The following TES variants were observed in gnomAD, a reference collection of about 807,000 sequenced individuals.
TES encodes testin LIM domain protein, also known as testin.
TES carries 41 observed loss-of-function variants against 48.2 expected under a neutral mutation model. The observed-to-expected ratio is 0.85, with a 90% CI of 0.66 to 1.10. The LOEUF is 1.10. Ranked by LOEUF, TES falls within the 50% of genes least tolerant of loss-of-function variation. The pLI is 0.00. For missense variants in TES, 463 were observed against 515.1 expected (o/e 0.90, Z 0.98); for synonymous variants, 162 against 174.9 (o/e 0.93, Z 0.58).
intron 1 of TES, among the ~76,000 whole-genome samples, chr7:116,212,027 T>C (rs1052395449): frequency 2.0e-5 from 3 of 152,178 alleles, no homozygotes; most frequent in African/African-American, 7.2e-5. Context: ...TTTTTTTCTT[T>C]TAAATAACTG....
At chr7:116,248,476 C>T (rs1244703809) in intron 2 of TES, among the ~76,000 whole-genome samples, 1 of 152,138 alleles carries the variant, frequency 6.6e-6, no homozygotes, top group Non-Finnish European at 1.5e-5. Flanking sequence ...TTAGTAATAG[C>T]TATTCCGACT....
chr7:116,218,401 A>G (rs868570847), intron 1 of TES, among the ~76,000 whole-genome samples: 1 of 152,266 alleles, frequency 6.6e-6, no homozygotes, highest in African/African-American at 2.4e-5. Context: ...GTTTGATGAT[A>G]AAGTGATATC....
chr7:116,257,686 T>G lies in TES; in HGVS notation c.*204T>G, dbSNP rs1800122894. 13 of 449,348 alleles carry G rather than the reference T, an allele frequency of 2.9e-5. No homozygotes were observed. The South Asian group carries it at 5.3e-4, about 18-fold the overall frequency. 27.8% of individuals were successfully genotyped at this position (449,348 alleles called of 1,614,324 possible). ...AAACTTGGTTTAAGCATTTGATTTGTAAAACAGTAAATAATTGTATCTTTC... is the reference window on the plus strand; with the variant it reads ...AAACTTGGTTTAAGCATTTGATTTGGAAAACAGTAAATAATTGTATCTTTC... On this transcript the variant is annotated 3_prime_UTR_variant, in exon 7 of 7. Coordinates refer to ENST00000358204, the MANE Select transcript of TES (RefSeq NM_015641.4).
At chr7:116,251,605 C>G in intron 4 of TES, 155 bp from the exon 5 acceptor site, 2 of 699,636 alleles carry the variant, frequency 2.9e-6, no homozygotes, top group East Asian at 5.2e-5. Context: ...ACGGCGTGAA[C>G]CCAGGAGGCG....
At chr7:116,253,853 TGGGTGTGTGG>T (rs1215147017) in intron 6 of TES, among the ~76,000 whole-genome samples, 1 of 151,806 alleles carries the variant, frequency 6.6e-6, no homozygotes, top group Admixed American at 6.6e-5. Context: ...TGTGTGTGGG[TGGGTGTGTGG>T]GGGTGTGTGT....
intron 1 of TES, among the ~76,000 whole-genome samples, chr7:116,222,594 C>G (rs1321401502): frequency 2.6e-5 from 4 of 152,130 alleles, no homozygotes; most frequent in Admixed American, 6.6e-5. Context: ...CTTTAGGCAT[C>G]GCAAGAATGA....
At chr7:116,248,908 T>C in intron 2 of TES, 112 bp from the exon 3 acceptor site, 1 of 1,132,380 alleles carries the variant, frequency 8.8e-7, no homozygotes, top group Non-Finnish European at 1.2e-6. Context: ...GACTTGCCTT[T>C]GCATACCATG....
At chr7:116,236,433 A>C (rs1041564665) in intron 2 of TES, among the ~76,000 whole-genome samples, 8 of 152,176 alleles carry the variant, frequency 5.3e-5, no homozygotes, top group African/African-American at 1.9e-4. Flanking sequence ...CCATCAGCTT[A>C]TGTACATAAG....
intron 2 of TES, among the ~76,000 whole-genome samples, chr7:116,242,526 TCTC>T (rs1799862910): frequency 2.1e-5 from 2 of 93,300 alleles, no homozygotes; most frequent in African/African-American, 4.9e-5. Flanking sequence ...TCTCTCTCTC[TCTC>T]TCTCTCTCTG....
intron 1 of TES, among the ~76,000 whole-genome samples, chr7:116,230,537 G>A (rs1265254481): frequency 1.3e-5 from 2 of 152,170 alleles, no homozygotes; most frequent in Admixed American, 6.5e-5. Context: ...CTGAGCTTCT[G>A]CTAGCAGAGC....
At chr7:116,227,458 GA>G (rs1295209865) in intron 1 of TES, among the ~76,000 whole-genome samples, 2 of 152,064 alleles carry the variant, frequency 1.3e-5, no homozygotes, top group African/African-American at 2.4e-5. Flanking sequence ...TCTTGTTAGA[GA>G]TTTGGAAACA....
At chr7:116,233,692 A>G (rs1037627768) in intron 1 of TES, among the ~76,000 whole-genome samples, 7 of 152,244 alleles carry the variant, frequency 4.6e-5, no homozygotes, top group Admixed American at 3.3e-4. Context: ...TCCTGCTGCC[A>G]TAACAAAATA....
chr7:116,255,125 C>T (rs1240765314), intron 6 of TES: 2 of 151,910 alleles, frequency 1.3e-5, no homozygotes, highest in Admixed American at 1.3e-4. Context: ...TACTTTGTCT[C>T]TGTGTAGTCA....
intron 1 of TES, among the ~76,000 whole-genome samples, chr7:116,216,605 T>C (rs1330119601): frequency 2.0e-5 from 3 of 152,124 alleles, no homozygotes; most frequent in African/African-American, 7.2e-5. Flanking sequence ...TATGTATAAA[T>C]ATATACATAA....
At chr7:116,249,505 G>C (rs1468491495) in intron 3 of TES, 1 of 466,808 alleles carries the variant, frequency 2.1e-6, no homozygotes, top group African/African-American at 1.9e-5. Flanking sequence ...ATGGTCTAAC[G>C]TTCTTAATAA....
chr7:116,211,038 T>C (rs2116564120), intron 1 of TES: 2 of 265,064 alleles, frequency 7.5e-6, no homozygotes, highest in East Asian at 1.3e-4. Context: ...TTACTTAAGA[T>C]GTTTCAGCTC....
Position 116,235,107 on chromosome 7 carries a change from C to CTAAT in TES, c.113+490_113+493dup, listed in dbSNP as rs575403108. On this transcript the variant is annotated intron_variant, in intron 2 of 6. Transcript: ENST00000358204. The stretch of plus-strand genomic sequence containing the variant: ...TACAGGCTTGTGCCACGACACCTGG[C>CTAAT]TAATTTTTCTTTTTTGTATTCTTAG... Among the ~76,000 whole-genome samples the CTAAT allele has an allele frequency of 4.0e-3, 603 of 152,272 alleles. 1 individual carries two copies. Among genetic ancestry groups the CTAAT allele is most frequent in the African/African-American group, 0.014 (583 of 41,560 alleles).
intron 4 of TES, among the ~76,000 whole-genome samples, chr7:116,251,159 G>T (rs1249004132): frequency 6.6e-6 from 1 of 152,114 alleles, no homozygotes; most frequent in Admixed American, 6.5e-5. Context: ...ACTTAAAATT[G>T]ACCTGAAAAT....
At chr7:116,216,685 T>C (rs1006080964) in intron 1 of TES, among the ~76,000 whole-genome samples, 4 of 152,140 alleles carry the variant, frequency 2.6e-5, no homozygotes, top group Admixed American at 6.5e-5. Context: ...ATAATTTTTT[T>C]CCACAAATCT....
Sources: allele counts gnomAD v4.1 joint callset (sites outside exome capture counted in the v4.1 genomes callset), GRCh38; gene constraint gnomAD v4.1.1; transcripts MANE v1.5; gene names NCBI Gene and HGNC (gene_info 2026-07-23, HGNC 2026-07-21).